The following ZFHX3 variants were observed in gnomAD, a reference collection of about 807,000 sequenced individuals.
The protein encoded by ZFHX3 is zinc finger homeobox protein 3.
A neutral mutation model predicts 279.1 loss-of-function variants in ZFHX3; 42 were observed. The observed-to-expected ratio is 0.15, with a 90% CI of 0.12 to 0.19. The LOEUF (loss-of-function observed/expected upper bound fraction) is 0.19, where lower values mean the gene tolerates loss of function less well. ZFHX3 is among the 10% of genes least tolerant of loss of function. The pLI is 1.00. For missense variants in ZFHX3, 4,981 were observed against 4,754.0 expected (o/e 1.05, Z -1.40); for synonymous variants, 2,293 against 1,957.8 (o/e 1.17, Z -4.52).
intron 2 of ZFHX3, among the ~76,000 whole-genome samples, chr16:73,604,392 T>C (rs187080450): frequency 6.6e-6 from 1 of 152,180 alleles, no homozygotes; most frequent in African/African-American, 2.4e-5. Flanking sequence ...TCAAATCTAA[T>C]CCACTGGAAA....
intron 1 of ZFHX3, among the ~76,000 whole-genome samples, chr16:73,016,631 A>G (rs897804539): frequency 2.0e-5 from 3 of 152,172 alleles, no homozygotes; most frequent in African/African-American, 7.2e-5. Flanking sequence ...TCTTCCTTAG[A>G]TGTCACCATA....
intron 4 of ZFHX3, among the ~76,000 whole-genome samples, chr16:72,854,926 C>A: frequency 2.2e-5 from 1 of 44,470 alleles, no homozygotes; most frequent in South Asian, 7.9e-4. Context: ...AATTAAAACA[C>A]AAATTGGTGG....
At chr16:73,285,483 A>G (rs56410236) in intron 4 of ZFHX3, among the ~76,000 whole-genome samples, 28,806 of 152,168 alleles carry the variant, frequency 0.19, 3,117 homozygotes, top group Middle Eastern at 0.26. Flanking sequence ...AGCCCTTAAC[A>G]CACCATGACA....
At chr16:72,956,061 G>A (rs1961237774) in intron 2 of ZFHX3, among the ~76,000 whole-genome samples, 1 of 152,164 alleles carries the variant, frequency 6.6e-6, no homozygotes, top group African/African-American at 2.4e-5. Flanking sequence ...TGGTAATAAA[G>A]GATCAACAGG....
intron 5 of ZFHX3, among the ~76,000 whole-genome samples, chr16:73,157,735 C>T (rs940971704): frequency 2.6e-5 from 4 of 152,040 alleles, no homozygotes; most frequent in Non-Finnish European, 2.9e-5. Flanking sequence ...CAAATGACCC[C>T]AGTCATTAAG....
At chr16:73,500,187 C>G (rs1027456647) in intron 2 of ZFHX3, 2 of 152,258 alleles carry the variant, frequency 1.3e-5, no homozygotes, top group South Asian at 2.1e-4. Context: ...CAGCTCCATG[C>G]GTGTTATTGC....
intron 7 of ZFHX3, among the ~76,000 whole-genome samples, chr16:73,112,539 C>T (rs539871932): frequency 6.6e-6 from 1 of 151,468 alleles, no homozygotes; most frequent in Admixed American, 6.6e-5. Flanking sequence ...ATGGTGAAAC[C>T]CTGTCTCTAC....
At chr16:73,616,229 A>T (rs2052299580) in intron 2 of ZFHX3, among the ~76,000 whole-genome samples, 1 of 151,612 alleles carries the variant, frequency 6.6e-6, no homozygotes, top group African/African-American at 2.4e-5. Flanking sequence ...TTTATATGGC[A>T]TATTTACCTG....
chr16:73,662,683 G>A (rs2052797988), intron 2 of ZFHX3, among the ~76,000 whole-genome samples: 1 of 152,080 alleles, frequency 6.6e-6, no homozygotes, highest in African/African-American at 2.4e-5. Flanking sequence ...CACAAAAAGG[G>A]GTCAAAAACA....
At position 72,933,813 on chromosome 16, in the gene ZFHX3, C is replaced by CTTTTTTTTTTTTT. The variant is rs71391468; in HGVS notation, c.3216+16643_3216+16655dup. Among the ~76,000 whole-genome samples, 26 of 112,476 alleles carry CTTTTTTTTTTTTT rather than the reference C, an allele frequency of 2.3e-4. 2 individuals are homozygous for CTTTTTTTTTTTTT. Among genetic ancestry groups the CTTTTTTTTTTTTT allele is most frequent in the African/African-American group, 3.0e-4 (10 of 33,510 alleles). 73.8% of individuals were successfully genotyped at this position (112,476 alleles called of 152,430 possible). ...TATGAAATGTTTAGCTCACAACTTT[C>CTTTTTTTTTTTTT]TTTTTTTTTTTTTTTTTTTTTTTGA... On this transcript the variant is annotated intron_variant, in intron 3 of 9. Transcript: ENST00000268489.
chr16:72,879,629 T>C (rs1449961087), intron 4 of ZFHX3, among the ~76,000 whole-genome samples: 1 of 152,152 alleles, frequency 6.6e-6, no homozygotes, highest in Non-Finnish European at 1.5e-5. Context: ...TTTCATCATG[T>C]TGGCCAGGCT....
chr16:73,464,979 G>A (rs1045185728), intron 2 of ZFHX3, among the ~76,000 whole-genome samples: 1 of 152,202 alleles, frequency 6.6e-6, no homozygotes, highest in East Asian at 1.9e-4. Flanking sequence ...GGAGAGCCTC[G>A]CCTTCACATG....
In ZFHX3 at chr16:73,682,852, G is replaced by GAGAA. The variant is rs568576216; in HGVS notation, c.-1607-2616_-1607-2613dup. Among the ~76,000 whole-genome samples, 709 of 80,064 alleles carry GAGAA rather than the reference G, an allele frequency of 8.9e-3. 32 individuals carry two copies. The highest frequency in any genetic ancestry group is 0.018 in the East Asian group (43 of 2,452). The allele number at this position is 80,064 out of a possible 152,430, so 52.5% of individuals were successfully genotyped here. ...GGAGAGAGAGAGAGAAAAAAAGAAA[G>GAGAA]AGAAAGAAAGAAAGAAAGAAAGAAA... is the stretch of plus-strand genomic sequence containing the variant. On this transcript the variant is annotated intron_variant, in intron 1 of 17. Coordinates refer to the ZFHX3 transcript ENST00000641206.
At chr16:72,932,370 G>T (rs988202121) in intron 3 of ZFHX3, among the ~76,000 whole-genome samples, 1 of 152,086 alleles carries the variant, frequency 6.6e-6, no homozygotes, top group African/African-American at 2.4e-5. Flanking sequence ...TAGCCACAAT[G>T]CAGCTGGACT....
chr16:73,528,792 T>C (rs1172216183), intron 2 of ZFHX3, among the ~76,000 whole-genome samples: 1 of 152,208 alleles, frequency 6.6e-6, no homozygotes, highest in Non-Finnish European at 1.5e-5. Context: ...TTATGGTCTG[T>C]AGCCAGAGAA....
chr16:73,219,745 C>A (rs1401081029), intron 5 of ZFHX3, among the ~76,000 whole-genome samples: 1 of 152,150 alleles, frequency 6.6e-6, no homozygotes. Context: ...AGGCTGCCTC[C>A]CCCAGTCAGT....
At chr16:72,844,164 A>C (rs1175795499) in intron 4 of ZFHX3, among the ~76,000 whole-genome samples, 1 of 152,230 alleles carries the variant, frequency 6.6e-6, no homozygotes, top group Non-Finnish European at 1.5e-5. Flanking sequence ...CACTGCTGAC[A>C]GGGTTGCTGT....
chr16:73,125,580 C>T (rs1966555161), intron 7 of ZFHX3, among the ~76,000 whole-genome samples: 1 of 152,120 alleles, frequency 6.6e-6, no homozygotes, highest in East Asian at 1.9e-4. Flanking sequence ...AGAATATAAG[C>T]AGGCAGAAAA....
At chr16:73,655,818 T>C (rs1010479806) in intron 2 of ZFHX3, among the ~76,000 whole-genome samples, 1 of 152,224 alleles carries the variant, frequency 6.6e-6, no homozygotes, top group African/African-American at 2.4e-5. Context: ...ATAGTCATGC[T>C]GAAGATGTCA....
Sources: gnomAD v4.1 joint callset for allele counts (sites outside exome capture counted in the v4.1 genomes callset) on GRCh38, gnomAD v4.1.1 for gene constraint, MANE v1.5 for transcripts, NCBI Gene and HGNC (gene_info 2026-07-23, HGNC 2026-07-21) for gene names.